Variants in DHX29 observed in about 807,000 individuals in gnomAD.
DHX29 encodes DExH-box helicase 29.
A neutral mutation model predicts 167.9 loss-of-function variants in DHX29; 79 were observed. That is an observed-to-expected ratio of 0.47 (90% confidence interval 0.39 to 0.57). The LOEUF (loss-of-function observed/expected upper bound fraction) is 0.57, where lower values mean the gene tolerates loss of function less well. Among genes scored for constraint, DHX29 ranks in the 20% least tolerant of loss-of-function variants. The pLI is 0.00. For missense variants in DHX29, 1,347 were observed against 1,593.4 expected (o/e 0.85, Z 2.63); for synonymous variants, 530 against 546.0 (o/e 0.97, Z 0.41).
chr5:55,271,217 G>A lies in DHX29; in HGVS notation c.2865-511C>T, dbSNP rs541644569. Reference sequence around the variant, plus strand: ...TCTAGATTATAGTAAATTACTAAAGGTGGTCTGTCCTATTTATTCAATATA... The same window carrying A: ...TCTAGATTATAGTAAATTACTAAAGATGGTCTGTCCTATTTATTCAATATA... On this transcript the variant is annotated intron_variant, in intron 18 of 26. Coordinates refer to ENST00000251636, the MANE Select transcript of DHX29 (RefSeq NM_019030.4). Among the ~76,000 whole-genome samples, 4 of 152,294 alleles carry A rather than the reference G, an allele frequency of 2.6e-5. No individual in the cohort carries two copies. The South Asian group carries it at 8.3e-4, about 32-fold the overall frequency.
At chr5:55,288,227 G>A (rs1747847705) in intron 8 of DHX29, among the ~76,000 whole-genome samples, 1 of 151,886 alleles carries the variant, frequency 6.6e-6, no homozygotes, top group Non-Finnish European at 1.5e-5. Context: ...TGGGCAACAA[G>A]AGTGAAACTC....
chr5:55,299,005 C>T (rs1393964932), intron 1 of DHX29, among the ~76,000 whole-genome samples: 1 of 141,622 alleles, frequency 7.1e-6, no homozygotes, highest in African/African-American at 2.7e-5. Flanking sequence ...AGTCCGCAGT[C>T]CGGCCTGGGC....
intron 11 of DHX29, among the ~76,000 whole-genome samples, chr5:55,282,401 A>C (rs1747477303): frequency 6.6e-6 from 1 of 152,154 alleles, no homozygotes; most frequent in Non-Finnish European, 1.5e-5. Context: ...CCGTTGTCTT[A>C]TTTGTGTATA....
chr5:55,259,944 C>T lies in DHX29; in HGVS notation c.3961G>A (p.Ala1321Thr). ...LSIDGWIYFQ[A>T]PVKIAVIFKQ... ...AAAATGACAGCTATCTTTACAGGGGCCTGTTAAGAGGAGTTGAAAAAATGG... is the reference window on the plus strand; with the variant it reads ...AAAATGACAGCTATCTTTACAGGGGTCTGTTAAGAGGAGTTGAAAAAATGG... The change falls in exon 26 of 27, where the codon GCC becomes ACC. Residue 1321 changes from alanine (A) to threonine (T), a missense_variant and splice_region_variant. Around this residue, in one of 3 missense-constraint regions of DHX29, gnomAD observed 882 missense variants for 1,082.4 expected, o/e 0.81. Transcript: ENST00000251636. 1 of 1,598,446 alleles carries T rather than the reference C, an allele frequency of 6.3e-7. No individual in the cohort carries two copies. The highest frequency in any genetic ancestry group is 8.6e-7 in the Non-Finnish European group (1 of 1,166,674).
chr5:55,267,053 A>G, intron 23 of DHX29, 85 bp downstream of exon 23: 1 of 819,364 alleles, frequency 1.2e-6, no homozygotes. Context: ...CTATGTGACA[A>G]GTATTTTCCT....
At chr5:55,276,079 A>T (rs1579775170) in intron 14 of DHX29, among the ~76,000 whole-genome samples, 187 bp downstream of exon 14, 1 of 152,338 alleles carries the variant, frequency 6.6e-6, no homozygotes, top group East Asian at 1.9e-4. Context: ...ATCACAAATC[A>T]AAGACTACAG....
At chr5:55,303,230 G>C (rs1748694982) in intron 1 of DHX29, among the ~76,000 whole-genome samples, 1 of 152,058 alleles carries the variant, frequency 6.6e-6, no homozygotes, top group African/African-American at 2.4e-5. Context: ...CTATGACTAA[G>C]ACATTGACTT....
intron 8 of DHX29, among the ~76,000 whole-genome samples, chr5:55,286,733 T>C (rs1056886384): frequency 7.9e-5 from 12 of 152,266 alleles, no homozygotes; most frequent in African/African-American, 1.9e-4. Context: ...ATGTAAATTA[T>C]TCAGTTTCTT....
At position 55,295,468 on chromosome 5, in the gene DHX29, G is replaced by T. The variant is rs1748268352; in HGVS notation, c.562C>A (p.Pro188Thr). The T allele has an allele frequency of 6.2e-7, 1 of 1,613,796 alleles. No individual in the cohort carries two copies. Residue 188 changes from proline to threonine, a missense_variant, in exon 5 of 27, where the codon CCT (proline) becomes ACT (threonine). This residue lies in a region of DHX29 where 405 missense variants were observed against 416.8 expected (regional missense o/e 0.97). Coordinates refer to ENST00000251636, the MANE Select transcript of DHX29 (RefSeq NM_019030.4). ...EFEEQQPKSR[P>T]KFQSPQIQAT... ...TGTATTTGAGGAGACTGAAATTTAGGCCTACTTTTAGGTTGCTGCTCTTCA... is the reference window on the plus strand; with the variant it reads ...TGTATTTGAGGAGACTGAAATTTAGTCCTACTTTTAGGTTGCTGCTCTTCA...
chr5:55,272,228 A>G (rs1746889500), intron 17 of DHX29, 53 bp from the exon 18 acceptor site: 2 of 1,088,614 alleles, frequency 1.8e-6, no homozygotes, highest in East Asian at 2.6e-5. Context: ...TGAATGTATC[A>G]TTATTTAAAT....
Position 55,269,580 on chromosome 5 carries a change from G to C in DHX29, c.3127C>G (p.Leu1043Val), listed in dbSNP as rs750732579. 1 of 1,614,146 alleles carries C rather than the reference G, an allele frequency of 6.2e-7. No individual in the cohort carries two copies. Among genetic ancestry groups the C allele is most frequent in the South Asian group, 1.1e-5 (1 of 91,090 alleles). The change falls in exon 21 of 27, where the codon CTC (leucine) becomes GTC (valine). Residue 1043 changes from leucine to valine, a missense_variant. Transcript: ENST00000251636. ...FLSKALDPPQLQVISNAMNLL... is the reference protein window; with the variant it reads ...FLSKALDPPQVQVISNAMNLL... The stretch of plus-strand genomic sequence containing the variant: ...TTCATTGCATTGCTGATCACTTGGA[G>C]CTGAGGAGGATCTAAGGCTTTGGAG...
intron 20 of DHX29, 44 bp from the exon 21 acceptor site, chr5:55,269,681 T>G: frequency 6.7e-7 from 1 of 1,488,958 alleles, no homozygotes; most frequent in Non-Finnish European, 9.3e-7. Flanking sequence ...AATCAAAGAA[T>G]GAACACTACC....
chr5:55,266,288 G>GC (rs1210508377), intron 23 of DHX29, among the ~76,000 whole-genome samples: 1 of 150,394 alleles, frequency 6.6e-6, no homozygotes, highest in Non-Finnish European at 1.5e-5. Context: ...GAGCCACTGC[G>GC]CCCAGTCCTT....
intron 26 of DHX29, among the ~76,000 whole-genome samples, 172 bp downstream of exon 26, chr5:55,259,676 G>A (rs1285678511): frequency 3.3e-5 from 5 of 152,098 alleles, no homozygotes; most frequent in African/African-American, 9.7e-5. Context: ...GGCTGGTCTC[G>A]AACTCCTGAC....
chr5:55,266,548 A>ATTTTTTTTTTTTT (rs563215075), intron 23 of DHX29, among the ~76,000 whole-genome samples: 1 of 138,080 alleles, frequency 7.2e-6, no homozygotes, highest in African/African-American at 2.7e-5. Context: ...ACCTCAGGTG[A>ATTTTTTTTTTTTT]TTTTTTTTTT....
rs1370934678 is a variant in DHX29, at chr5:55,281,530, T to G, written c.1966-15A>C. ...CACAAGGAATTCTAAAGGGAGAACA[T>G]AAGGCCTTGATTAGATTCTCATGAG... is the stretch of plus-strand genomic sequence containing the variant. On this transcript the variant is annotated splice_polypyrimidine_tract_variant and intron_variant, in intron 11 of 26. Transcript: ENST00000251636. 3 of 1,550,328 alleles carry G rather than the reference T, an allele frequency of 1.9e-6. No individual in the cohort carries two copies. The African/African-American group carries it at 4.2e-5, about 22-fold the overall frequency.
intron 2 of DHX29, 147 bp downstream of exon 2, chr5:55,298,444 C>A: frequency 1.8e-6 from 1 of 558,784 alleles, no homozygotes; most frequent in Non-Finnish European, 3.3e-6. Context: ...GTATGATTTA[C>A]TTATTTTTAG....
At chr5:55,290,168 C>G (rs1359491546) in intron 7 of DHX29, 50 bp downstream of exon 7, 7 of 1,568,848 alleles carry the variant, frequency 4.5e-6, no homozygotes, top group Admixed American at 1.9e-5. Flanking sequence ...GGAAGGCCAA[C>G]AAATAGAAGA....
At chr5:55,266,548 A>ATT (rs563215075) in intron 23 of DHX29, among the ~76,000 whole-genome samples, 10 of 138,116 alleles carry the variant, frequency 7.2e-5, no homozygotes, top group African/African-American at 2.1e-4. Flanking sequence ...ACCTCAGGTG[A>ATT]TTTTTTTTTT....
Sources: gnomAD v4.1 joint callset for allele counts (sites outside exome capture counted in the v4.1 genomes callset) on GRCh38, gnomAD v4.1.1 for gene constraint, gnomAD v4.1.1 regional missense constraint, MANE v1.5 for transcripts, NCBI Gene and HGNC (gene_info 2026-07-23, HGNC 2026-07-21) for gene names.